RASAL2: variants seen among roughly 807,000 people sequenced by gnomAD.
The protein encoded by RASAL2 is ras GTPase-activating protein nGAP.
RASAL2 carries 58 observed loss-of-function variants against 128.9 expected under a neutral mutation model. The observed-to-expected ratio is 0.45, with a 90% CI of 0.36 to 0.56. RASAL2 has a LOEUF of 0.56. RASAL2 is among the 20% of genes least tolerant of loss of function. The pLI is 0.00. For missense variants in RASAL2, 1,360 were observed against 1,601.6 expected (o/e 0.85, Z 2.57); for synonymous variants, 561 against 580.8 (o/e 0.97, Z 0.49).
intron 1 of RASAL2, among the ~76,000 whole-genome samples, chr1:178,173,580 A>G (rs1050722888): frequency 1.8e-4 from 28 of 152,044 alleles, no homozygotes; most frequent in South Asian, 2.1e-4. Flanking sequence ...TAGATCTGTA[A>G]AGAAGTGCCT....
At chr1:178,219,644 AAAAGAAAG>A (rs538799578) in intron 1 of RASAL2, among the ~76,000 whole-genome samples, 84 of 151,438 alleles carry the variant, frequency 5.5e-4, no homozygotes, top group African/African-American at 7.1e-4. Flanking sequence ...AAAAAAAAAA[AAAAGAAAG>A]AAAGAAAGAA....
chr1:178,256,222 T>G (rs1172969550), intron 1 of RASAL2, among the ~76,000 whole-genome samples: 1 of 152,180 alleles, frequency 6.6e-6, no homozygotes, highest in Non-Finnish European at 1.5e-5. Flanking sequence ...TCAATGACGG[T>G]AATATATCAT....
intron 3 of RASAL2, chr1:178,372,273 G>T (rs547684995): frequency 1.0e-6 from 1 of 985,288 alleles, no homozygotes; most frequent in Non-Finnish European, 1.2e-6. Flanking sequence ...ATGTGGCGGA[G>T]TGGTTGGATA....
At chr1:178,268,653 C>T (rs899799581) in intron 1 of RASAL2, among the ~76,000 whole-genome samples, 2 of 152,026 alleles carry the variant, frequency 1.3e-5, no homozygotes, top group Non-Finnish European at 2.9e-5. Context: ...AGGGGTATTG[C>T]TTGCTCCTTT....
chr1:178,453,258 T>C (rs1677518563), intron 11 of RASAL2, among the ~76,000 whole-genome samples: 1 of 152,102 alleles, frequency 6.6e-6, no homozygotes, highest in Non-Finnish European at 1.5e-5. Context: ...ATAGATAAGA[T>C]AATTCGTGAA....
chr1:178,315,544 T>C (rs1214732065), intron 3 of RASAL2, among the ~76,000 whole-genome samples: 2 of 142,438 alleles, frequency 1.4e-5, no homozygotes, highest in Non-Finnish European at 1.5e-5. Flanking sequence ...TGGCCAGTGA[T>C]GGTGAGCATT....
intron 1 of RASAL2, among the ~76,000 whole-genome samples, chr1:178,238,798 A>G (rs1261126982): frequency 6.6e-6 from 1 of 152,072 alleles, no homozygotes; most frequent in Non-Finnish European, 1.5e-5. Flanking sequence ...AATGAACAGT[A>G]TGATTTGTCT....
At chr1:178,470,853 T>C (rs1159240855) in intron 17 of RASAL2, 1 of 646,382 alleles carries the variant, frequency 1.5e-6, no homozygotes, top group Non-Finnish European at 2.4e-6. Flanking sequence ...TGGACTAGAT[T>C]GCTTTCCCTT....
intron 3 of RASAL2, among the ~76,000 whole-genome samples, chr1:178,379,951 GC>G (rs1351262232): frequency 3.3e-5 from 5 of 152,192 alleles, no homozygotes; most frequent in African/African-American, 1.2e-4. Flanking sequence ...TGTCAGTCAA[GC>G]CCTGCCTCTT....
chr1:178,233,053 G>C (rs2102027460), intron 1 of RASAL2, among the ~76,000 whole-genome samples: 1 of 152,314 alleles, frequency 6.6e-6, no homozygotes, highest in Non-Finnish European at 1.5e-5. Flanking sequence ...ATGATACTTT[G>C]CTTCAGGCAA....
chr1:178,219,201 A>T (rs1663532697), intron 1 of RASAL2, among the ~76,000 whole-genome samples: 1 of 152,252 alleles, frequency 6.6e-6, no homozygotes, highest in Non-Finnish European at 1.5e-5. Flanking sequence ...CAACCTACAT[A>T]GAATTGAAGA....
intron 3 of RASAL2, among the ~76,000 whole-genome samples, chr1:178,338,754 C>T (rs1044638307): frequency 3.3e-5 from 5 of 152,150 alleles, no homozygotes; most frequent in South Asian, 2.1e-4. Context: ...ATACTTTTAG[C>T]GTTGCAGATA....
At chr1:178,360,462 G>GAA (rs1262148794) in intron 3 of RASAL2, among the ~76,000 whole-genome samples, 5 of 152,172 alleles carry the variant, frequency 3.3e-5, no homozygotes, top group Non-Finnish European at 5.9e-5. Flanking sequence ...GGGCCCATAG[G>GAA]AAGCTTCCCT....
chr1:178,110,550 G>C (rs937781595), intron 1 of RASAL2, among the ~76,000 whole-genome samples: 1 of 143,522 alleles, frequency 7.0e-6, no homozygotes, highest in East Asian at 2.0e-4. Context: ...TATATATACA[G>C]TGTATATATA....
At chr1:178,387,577 A>G (rs1398607946) in intron 3 of RASAL2, among the ~76,000 whole-genome samples, 1 of 131,212 alleles carries the variant, frequency 7.6e-6, no homozygotes, top group Non-Finnish European at 1.6e-5. Flanking sequence ...TCCTGTGTCC[A>G]TGTGTTCTCA....
At chr1:178,180,663 T>TCTCACA (rs1553256843) in intron 1 of RASAL2, among the ~76,000 whole-genome samples, 8 of 139,158 alleles carry the variant, frequency 5.7e-5, no homozygotes, top group South Asian at 2.4e-4. Context: ...CGAGACTGTC[T>TCTCACA]CACACACACA....
At chr1:178,350,952 C>T (rs1322164522) in intron 3 of RASAL2, among the ~76,000 whole-genome samples, 1 of 152,148 alleles carries the variant, frequency 6.6e-6, no homozygotes, top group African/African-American at 2.4e-5. Flanking sequence ...GGAAGCATGG[C>T]ATCATCTGCT....
chr1:178,364,838 A>G (rs1460249652), intron 3 of RASAL2, among the ~76,000 whole-genome samples: 1 of 152,206 alleles, frequency 6.6e-6, no homozygotes, highest in Non-Finnish European at 1.5e-5. Context: ...ATAGTTATGC[A>G]TTAGCTACTT....
intron 1 of RASAL2, among the ~76,000 whole-genome samples, chr1:178,117,212 T>TA (rs1429955090): frequency 6.6e-6 from 1 of 151,330 alleles, no homozygotes; most frequent in Non-Finnish European, 1.5e-5. Context: ...ATTTGAGTAA[T>TA]AAAGTAATTG....
Sources: allele counts gnomAD v4.1 joint callset (sites outside exome capture counted in the v4.1 genomes callset), GRCh38; gene constraint gnomAD v4.1.1; transcripts MANE v1.5; gene names NCBI Gene and HGNC (gene_info 2026-07-23, HGNC 2026-07-21).